VPS13C: variants seen among roughly 807,000 people sequenced by gnomAD.
VPS13C encodes the protein intermembrane lipid transfer protein VPS13C.
In VPS13C, 358 loss-of-function variants were observed where a neutral mutation model predicts 456.8. That is an observed-to-expected ratio of 0.78 (90% confidence interval 0.72 to 0.86). The LOEUF is 0.86. VPS13C is among the 40% of genes least tolerant of loss of function. The pLI is 0.00. For missense variants in VPS13C, 4,818 were observed against 4,385.4 expected (o/e 1.10, Z -2.79); for synonymous variants, 1,578 against 1,486.7 (o/e 1.06, Z -1.41).
At chr15:61,863,813 C>A (rs576170132) in intron 81 of VPS13C, 193 of 247,204 alleles carry the variant, frequency 7.8e-4, no homozygotes, top group African/African-American at 3.9e-3. Context: ...AAAATATCTA[C>A]CAGCAATTAT....
chr15:61,887,931 AG>A (rs1410550836), intron 67 of VPS13C, among the ~76,000 whole-genome samples: 1 of 152,332 alleles, frequency 6.6e-6, no homozygotes, highest in African/African-American at 2.4e-5. Context: ...ACTGGGAAAA[AG>A]TATTTGCAAA....
intron 45 of VPS13C, among the ~76,000 whole-genome samples, chr15:61,943,093 G>A (rs915949184): frequency 6.6e-6 from 1 of 151,950 alleles, no homozygotes. Context: ...AGAGAACTAG[G>A]AAACACTGCT....
At chr15:61,930,882 T>C (rs1461432493) in intron 50 of VPS13C, among the ~76,000 whole-genome samples, 1 of 152,218 alleles carries the variant, frequency 6.6e-6, no homozygotes, top group Non-Finnish European at 1.5e-5. Context: ...AATATGTTAC[T>C]CCATTTTATA....
chr15:61,907,516 T>A, intron 65 of VPS13C, 126 bp from the exon 66 acceptor site: 1 of 1,248,078 alleles, frequency 8.0e-7, no homozygotes, highest in Non-Finnish European at 1.1e-6. Flanking sequence ...AAAACACAAC[T>A]CTACCTAAAA....
intron 62 of VPS13C, 142 bp downstream of exon 62, chr15:61,913,169 T>A: frequency 1.6e-6 from 1 of 633,684 alleles, no homozygotes; most frequent in Non-Finnish European, 2.7e-6. Flanking sequence ...GACCCAGCCA[T>A]CCCATTACTG....
At chr15:62,058,635 C>T (rs1427909145) in intron 1 of VPS13C, among the ~76,000 whole-genome samples, 1 of 152,024 alleles carries the variant, frequency 6.6e-6, no homozygotes, top group Non-Finnish European at 1.5e-5. Flanking sequence ...ATTTAAGGGA[C>T]TTGAGCAACC....
chr15:61,863,396 T>C lies in VPS13C; in HGVS notation c.10952+44A>G, dbSNP rs80316031. ...TAGCCTTCAAAATTCTTGTGACCTA[T>C]GCAACTAAGTACTATTTGGAAAAAT... On this transcript the variant is annotated intron_variant, in intron 82 of 84. Coordinates refer to ENST00000644861, the MANE Select transcript of VPS13C (RefSeq NM_020821.3). The C allele has an allele frequency of 9.4e-4, 1,377 of 1,467,754 alleles. 20 individuals are homozygous for C. In the East Asian group the frequency reaches 0.028, roughly 30 times the overall value. 90.9% of individuals were successfully genotyped at this position (1,467,754 alleles called of 1,614,324 possible).
chr15:61,880,720 T>G lies in VPS13C; in HGVS notation c.9891A>C (p.Thr3297=). The G allele has an allele frequency of 1.3e-6, 2 of 1,569,820 alleles. No homozygotes were observed. Among genetic ancestry groups the G allele is most frequent in the Middle Eastern group, 1.7e-4 (1 of 5,896 alleles). ...TTDPEAERRR[T]KLIQQDIDAL... is the part of the protein sequence containing the mutation. ...CATCAATATCTTGTTGGATTAACTT[T>G]GTCTGAAAAAAATAAAATCAAGAAT... Residue 3297 remains threonine, a splice_region_variant and synonymous_variant, in exon 73 of 85, where the codon ACA becomes ACC. Coordinates refer to ENST00000644861, the MANE Select transcript of VPS13C (RefSeq NM_020821.3).
chr15:62,018,688 C>T (rs926649298), intron 9 of VPS13C, among the ~76,000 whole-genome samples: 1 of 151,908 alleles, frequency 6.6e-6, no homozygotes, highest in Non-Finnish European at 1.5e-5. Flanking sequence ...ATTCGGTTTG[C>T]CAGTATTTTA....
intron 48 of VPS13C, among the ~76,000 whole-genome samples, chr15:61,935,893 C>T (rs182099187): frequency 2.6e-5 from 4 of 152,288 alleles, no homozygotes; most frequent in Non-Finnish European, 2.9e-5. Flanking sequence ...AAAAGCACAG[C>T]AGCCAGGACC....
chr15:61,862,827 T>C (rs1192717467), intron 82 of VPS13C, among the ~76,000 whole-genome samples: 2 of 152,182 alleles, frequency 1.3e-5, no homozygotes, highest in Non-Finnish European at 2.9e-5. Flanking sequence ...ATTTTGCCAC[T>C]GTAAGAACTT....
Position 61,874,930 on chromosome 15 carries a change from C to T in VPS13C, c.10360G>A (p.Glu3454Lys). The T allele has an allele frequency of 6.3e-7, 1 of 1,587,654 alleles. No homozygotes were observed. Among genetic ancestry groups the T allele is most frequent in the Non-Finnish European group, 8.6e-7 (1 of 1,169,114 alleles). ...PFQGAVQGPE[E>K]FAEGLVIGVR... ...CCAATCACTAACCCCTCTGCAAATT[C>T]TTCAGGGCCTTGAACAGCACCCTGG... Residue 3454 changes from glutamate (E) to lysine (K), a missense_variant, in exon 77 of 85, where the codon GAA (glutamate) becomes AAA (lysine). Around this residue, in one of 3 missense-constraint regions of VPS13C, gnomAD observed 4,552 missense variants for 4,130.6 expected, o/e 1.10. Coordinates refer to ENST00000644861, the MANE Select transcript of VPS13C (RefSeq NM_020821.3).
At chr15:61,929,860 T>A in intron 50 of VPS13C, 112 bp from the exon 51 acceptor site, 1 of 1,093,762 alleles carries the variant, frequency 9.1e-7, no homozygotes, top group Non-Finnish European at 1.3e-6. Flanking sequence ...TTCTAATCTG[T>A]ATAGAAAACA....
Position 61,917,646 on chromosome 15 carries a change from A to T in VPS13C, c.7761-11T>A, listed in dbSNP as rs1223152075. On this transcript the variant is annotated splice_polypyrimidine_tract_variant and intron_variant, in intron 59 of 84. Transcript: ENST00000644861. ...ATAAACAATTGACATCTGCAGAAAG[A>T]GGAAACAGTGACAATAAAGTTTTGA... 1 of 1,603,756 alleles carries T rather than the reference A, an allele frequency of 6.2e-7. No homozygotes were observed. The highest frequency in any genetic ancestry group is 1.7e-5 in the Admixed American group (1 of 59,318).
intron 15 of VPS13C, among the ~76,000 whole-genome samples, chr15:62,005,376 C>G (rs554064827): frequency 6.6e-6 from 1 of 152,106 alleles, no homozygotes; most frequent in Non-Finnish European, 1.5e-5. Flanking sequence ...CTTGGTAGAT[C>G]TTCCTCCATC....
intron 66 of VPS13C, among the ~76,000 whole-genome samples, chr15:61,901,808 C>A (rs2043006370): frequency 6.6e-6 from 1 of 152,102 alleles, no homozygotes; most frequent in South Asian, 2.1e-4. Context: ...AAGACACATG[C>A]ACACATATGT....
intron 45 of VPS13C, among the ~76,000 whole-genome samples, chr15:61,944,552 A>G (rs918287294): frequency 1.4e-4 from 21 of 152,172 alleles, no homozygotes; most frequent in African/African-American, 5.1e-4. Context: ...CAAATACTAC[A>G]TATTTTCACT....
At position 62,010,508 on chromosome 15, in the gene VPS13C, T is replaced by G. The variant is rs1567106309; in HGVS notation, c.975A>C (p.Glu325Asp). The G allele has an allele frequency of 6.2e-7, 1 of 1,613,314 alleles. No individual in the cohort carries two copies. The highest frequency in any genetic ancestry group is 1.1e-5 in the South Asian group (1 of 90,976). Residue 325 changes from glutamate (E) to aspartate (D), a missense_variant, in exon 13 of 85, where the codon GAA becomes GAC. Around this residue, in one of 3 missense-constraint regions of VPS13C, gnomAD observed 4,552 missense variants for 4,130.6 expected, o/e 1.10. Transcript: ENST00000644861. Reference protein sequence around the residue: ...LKTPKLDCNIEIQNIAIELTK... With the variant: ...LKTPKLDCNIDIQNIAIELTK... The stretch of plus-strand genomic sequence containing the variant: ...TCAGTTCAATGGCAATATTTTGTAT[T>G]TCTATGTTGCAATCCAGTTTGGGCG...
At chr15:61,904,457 AC>A (rs1435303004) in intron 66 of VPS13C, among the ~76,000 whole-genome samples, 1 of 149,066 alleles carries the variant, frequency 6.7e-6, no homozygotes, top group Non-Finnish European at 1.5e-5. Flanking sequence ...AGATTATCTC[AC>A]CCCAGTTAGA....
Sources: gnomAD v4.1 joint callset for allele counts (sites outside exome capture counted in the v4.1 genomes callset) on GRCh38, gnomAD v4.1.1 for gene constraint, gnomAD v4.1.1 regional missense constraint, MANE v1.5 for transcripts, NCBI Gene and HGNC (gene_info 2026-07-23, HGNC 2026-07-21) for gene names.